The following MINK1 variants were observed in gnomAD, a reference collection of about 807,000 sequenced individuals.
MINK1 encodes the protein misshapen like kinase 1.
MINK1 carries 46 observed loss-of-function variants against 178.4 expected under a neutral mutation model. That is an observed-to-expected ratio of 0.26 (90% confidence interval 0.20 to 0.33). The LOEUF (loss-of-function observed/expected upper bound fraction) is 0.33. Ranked by LOEUF, MINK1 falls within the 10% of genes least tolerant of loss-of-function variation. The pLI, the probability that MINK1 is intolerant of heterozygous loss-of-function variation, is 1.00. For synonymous variants in MINK1, 797 were observed against 709.7 expected, an observed-to-expected ratio of 1.12 and a Z score of -1.96; for missense variants, 1,366 against 1,814.9, an observed-to-expected ratio of 0.75 and a Z score of 4.49.
chr17:4,861,380 G>C (rs1357907500), intron 1 of MINK1, among the ~76,000 whole-genome samples: 1 of 152,210 alleles, frequency 6.6e-6, no homozygotes, highest in African/African-American at 2.4e-5. Flanking sequence ...CACAGTGCCA[G>C]GCGACATCTA....
chr17:4,836,736 C>A lies in MINK1; in HGVS notation c.57+3096C>A, dbSNP rs1338455101. 6.6e-6 allele frequency among the ~76,000 whole-genome samples: 1 copy of A among 152,150 alleles called. No homozygotes were observed. The highest frequency in any genetic ancestry group is 1.5e-5 in the Non-Finnish European group (1 of 68,028). On this transcript the variant is annotated intron_variant, in intron 1 of 31. Coordinates refer to ENST00000355280, the MANE Select transcript of MINK1 (RefSeq NM_153827.5). This position sits in a 1 kb window ranked among gnomAD's most constrained non-coding sequence, Gnocchi z 4.3. ...TTTATCAAATGGCAATCAGAGAAGCCTTCCAGGACAACTTTATCTAAAATA... is the reference window on the plus strand; with the variant it reads ...TTTATCAAATGGCAATCAGAGAAGCATTCCAGGACAACTTTATCTAAAATA...
intron 1 of MINK1, among the ~76,000 whole-genome samples, chr17:4,851,834 T>C (rs1597400494): frequency 6.6e-6 from 1 of 151,982 alleles, no homozygotes. Flanking sequence ...ACCCTGTCTC[T>C]ACTAAAAATA....
intron 1 of MINK1, among the ~76,000 whole-genome samples, chr17:4,864,059 G>A (rs923750907): frequency 6.6e-6 from 1 of 151,966 alleles, no homozygotes; most frequent in African/African-American, 2.4e-5. Context: ...AAAGTGCTGG[G>A]ATTATAGGAG....
In MINK1 at chr17:4,885,830, G is replaced by C. The variant is rs1291828931; in HGVS notation, c.640-81G>C. 6.5e-7 allele frequency: 1 copy of C among 1,533,400 alleles called. No individual in the cohort carries two copies. Among genetic ancestry groups the C allele is most frequent in the African/African-American group, 1.4e-5 (1 of 73,320 alleles). 95.0% of individuals were successfully genotyped at this position (1,533,400 alleles called of 1,614,324 possible). A position where few individuals can be genotyped will look rare whatever the true frequency, so the allele number is the denominator to read the frequency against. The stretch of plus-strand genomic sequence containing the variant: ...GGGTGTGGCCCAGGAAGGCTCCTGA[G>C]AGGCCAGGATGGTGGGTGAAGAGAG... On this transcript the variant is annotated intron_variant, in intron 7 of 31. Coordinates refer to ENST00000355280, the MANE Select transcript of MINK1 (RefSeq NM_153827.5). This position sits in a 1 kb window ranked among gnomAD's most constrained non-coding sequence, Gnocchi z 5.0.
At chr17:4,839,285 G>T (rs1909821148) in intron 1 of MINK1, among the ~76,000 whole-genome samples, 1 of 152,070 alleles carries the variant, frequency 6.6e-6, no homozygotes, top group Non-Finnish European at 1.5e-5. Context: ...TCAATATCCT[G>T]CAACCTTCAA....
rs760031627 is a variant in MINK1, at chr17:4,891,708, C to G, written c.1993C>G (p.Pro665Ala). The change falls in exon 16 of 32, where the codon CCA (proline) becomes GCA (alanine). Residue 665 changes from proline (P) to alanine (A), a missense_variant. Coordinates refer to ENST00000355280, the MANE Select transcript of MINK1 (RefSeq NM_153827.5). ...PAWVRPDNEA[P>A]PKVPQRTSSI... ...CTGGGTCCGCCCAGATAACGAGGCC[C>G]CACCCAAGGTAAGGACAGTTCTGCA... is the stretch of plus-strand genomic sequence containing the variant. 1.2e-6 allele frequency: 2 copies of G among 1,602,272 alleles called. No individual in the cohort carries two copies. Among genetic ancestry groups the G allele is most frequent in the African/African-American group, 2.7e-5 (2 of 74,736 alleles).
rs1218481146 is a variant in MINK1, at chr17:4,897,336, G to A, written c.*49G>A. On this transcript the variant is annotated 3_prime_UTR_variant, in exon 32 of 32. Transcript: ENST00000355280. ...CCACACTGGACCCAGCTCTCCCCCTGCAGCCAGGCTTCCCGGGCCGCCCCT... is the reference window on the plus strand; with the variant it reads ...CCACACTGGACCCAGCTCTCCCCCTACAGCCAGGCTTCCCGGGCCGCCCCT... 8 of 1,569,344 alleles carry A rather than the reference G, an allele frequency of 5.1e-6. No individual in the cohort carries two copies. The Admixed American group carries it at 1.4e-4, about 27-fold the overall frequency.
intron 13 of MINK1, 182 bp downstream of exon 13, chr17:4,889,945 T>C: frequency 1.7e-6 from 1 of 587,586 alleles, no homozygotes; most frequent in Non-Finnish European, 3.0e-6. Flanking sequence ...CCCTCCCTCT[T>C]CCTTCCCTGC....
At position 4,887,478 on chromosome 17, in the gene MINK1, C is replaced by A; in HGVS notation, c.1020-102C>A. The A allele has an allele frequency of 8.7e-7, 1 of 1,144,698 alleles. No homozygotes were observed. Among genetic ancestry groups the A allele is most frequent in the Non-Finnish European group, 1.2e-6 (1 of 821,732 alleles). 70.9% of individuals were successfully genotyped at this position (1,144,698 alleles called of 1,614,324 possible). A position where few individuals can be genotyped will look rare whatever the true frequency, so the allele number is the denominator to read the frequency against. On this transcript the variant is annotated intron_variant, in intron 11 of 31. Transcript: ENST00000355280. The surrounding 1 kb of genome is among the most constrained non-coding windows in gnomAD (Gnocchi z 7.6). ...ACCTGGGAGTGGCCAGAGGCAGAGGCTTTGATCCAGTTAAAGCACCCACTC... is the reference window on the plus strand; with the variant it reads ...ACCTGGGAGTGGCCAGAGGCAGAGGATTTGATCCAGTTAAAGCACCCACTC...
In MINK1 at chr17:4,892,697, C is replaced by T. The variant is rs376216134; in HGVS notation, c.2240C>T (p.Ser747Leu). ...AGGAGCGACCCTGGCTGGGAACGCT[C>T]GGACAGCGTCCTTCCAGCCTCTCAC... ...LRRSDPGWERSDSVLPASHGH... is the reference protein window; with the variant it reads ...LRRSDPGWERLDSVLPASHGH... Residue 747 changes from serine to leucine, a missense_variant, in exon 19 of 32, where the codon TCG (serine) becomes TTG (leucine). Physicochemically the swap from Ser to Leu is moderately radical, Grantham distance 145 (BLOSUM62 -2). This residue lies in a region of MINK1 where 709 missense variants were observed against 692.3 expected (regional missense o/e 1.02). Coordinates refer to ENST00000355280, the MANE Select transcript of MINK1 (RefSeq NM_153827.5). 63 of 1,611,826 alleles carry T rather than the reference C, an allele frequency of 3.9e-5. No homozygotes were observed. The highest frequency in any genetic ancestry group is 1.9e-4 in the African/African-American group (14 of 75,058).
chr17:4,880,900 A>G, intron 2 of MINK1, 84 bp from the exon 3 acceptor site: 1 of 862,004 alleles, frequency 1.2e-6, no homozygotes, highest in Non-Finnish European at 1.5e-6. Flanking sequence ...ACCCTGTCTC[A>G]AAAAAAAAAG....
rs1968066412 is a variant in MINK1 at position 4,885,045 on chromosome 17, C to T, written c.508+43C>T. ...GAGGCTGACGAGGACCTTTCACCTC[C>T]AGAACAGAGAATGAGGGGCCCCTTT... is the stretch of plus-strand genomic sequence containing the variant. On this transcript the variant is annotated intron_variant, in intron 6 of 31. Transcript: ENST00000355280. The surrounding 1 kb of genome is among the most constrained non-coding windows in gnomAD (Gnocchi z 5.0). 1.3e-6 allele frequency: 2 copies of T among 1,593,886 alleles called. No individual in the cohort carries two copies. Among genetic ancestry groups the T allele is most frequent in the Non-Finnish European group, 1.7e-6 (2 of 1,163,492 alleles).
intron 5 of MINK1, 105 bp from the exon 6 acceptor site, chr17:4,884,807 G>C (rs1022110962): frequency 4.0e-6 from 4 of 995,096 alleles, no homozygotes; most frequent in Non-Finnish European, 6.1e-6. Flanking sequence ...CTTCAGCCCA[G>C]CCCTGTCCAG....
Position 4,897,368 on chromosome 17 carries a change from C to G in MINK1, c.*81C>G. On this transcript the variant is annotated 3_prime_UTR_variant, in exon 32 of 32. Coordinates refer to ENST00000355280, the MANE Select transcript of MINK1 (RefSeq NM_153827.5). ...GGCTTCCCGGGCCGCCCCTCTTTCCCCTCCCTGGGCTTTTGCTTTTACTGG... is the reference window on the plus strand; with the variant it reads ...GGCTTCCCGGGCCGCCCCTCTTTCCGCTCCCTGGGCTTTTGCTTTTACTGG... 1.1e-5 allele frequency: 15 copies of G among 1,321,386 alleles called. No individual in the cohort carries two copies. Among genetic ancestry groups the G allele is most frequent in the Non-Finnish European group, 1.5e-5 (14 of 930,826 alleles). The allele number at this position is 1,321,386 out of a possible 1,614,324, so 81.9% of individuals were successfully genotyped here. A position where few individuals can be genotyped will look rare whatever the true frequency, so the allele number is the denominator to read the frequency against.
chr17:4,888,202 C>T (rs1001169846), intron 12 of MINK1, among the ~76,000 whole-genome samples: 6 of 152,062 alleles, frequency 3.9e-5, no homozygotes, highest in African/African-American at 1.4e-4. Context: ...GGTGACAGAG[C>T]AAGACTCCGT....
chr17:4,868,793 T>G (rs190863302), intron 1 of MINK1: 82 of 308,280 alleles, frequency 2.7e-4, no homozygotes, highest in Admixed American at 4.3e-4. Context: ...TTGCCCAGGT[T>G]GGAGCGCAGT....
intron 1 of MINK1, among the ~76,000 whole-genome samples, chr17:4,851,307 T>C (rs142682810): frequency 4.2e-4 from 64 of 152,308 alleles, no homozygotes; most frequent in African/African-American, 1.5e-3. Flanking sequence ...AGAGGTTAAG[T>C]GATTTGCGGA....
In MINK1 at chr17:4,893,861, C is replaced by T. The variant is rs1371071644; in HGVS notation, c.2565-127C>T. Reference sequence around the variant, plus strand: ...CCTCACGGTGGAGCAGGGGCTACACCGTGAGGGTGGAGCAGGTTGTGTTTT... The same window carrying T: ...CCTCACGGTGGAGCAGGGGCTACACTGTGAGGGTGGAGCAGGTTGTGTTTT... On this transcript the variant is annotated intron_variant, in intron 21 of 31. Coordinates refer to ENST00000355280, the MANE Select transcript of MINK1 (RefSeq NM_153827.5). 1.7e-5 allele frequency: 15 copies of T among 894,930 alleles called. 1 individual carries two copies. The highest frequency in any genetic ancestry group is 1.4e-4 in the South Asian group (8 of 55,434). 55.4% of individuals were successfully genotyped at this position (894,930 alleles called of 1,614,324 possible). A position where few individuals can be genotyped will look rare whatever the true frequency, so the allele number is the denominator to read the frequency against.
chr17:4,834,651 T>G (rs1185101379), intron 1 of MINK1: 2 of 444,790 alleles, frequency 4.5e-6, no homozygotes, highest in African/African-American at 2.0e-5. Context: ...GAGCTTTGGC[T>G]TAAGGGGCAA....
Sources: gnomAD v4.1 joint callset for allele counts (sites outside exome capture counted in the v4.1 genomes callset) on GRCh38, gnomAD v4.1.1 for gene constraint, gnomAD v4.1.1 regional missense constraint, Gnocchi (gnomAD v3.1) non-coding constraint, MANE v1.5 for transcripts, NCBI Gene and HGNC (gene_info 2026-07-23, HGNC 2026-07-21) for gene names.